The following VIT variants were observed in gnomAD, a reference collection of about 807,000 sequenced individuals.
VIT encodes vitrin.
VIT carries 99 observed loss-of-function variants against 78.0 expected under a neutral mutation model. That is an observed-to-expected ratio of 1.27 (90% CI 1.08 to 1.50). The LOEUF (loss-of-function observed/expected upper bound fraction) is 1.50, where lower values mean the gene tolerates loss of function less well. Ranked by LOEUF, VIT falls within the 40% of genes most tolerant of loss-of-function variation. The probability of loss-of-function intolerance (pLI) is 0.00; values close to 1 mark genes in which losing one functional copy is unlikely to be tolerated. For synonymous variants in VIT, 374 were observed against 334.3 expected (o/e 1.12, Z -1.29); for missense variants, 1,126 against 875.3 (o/e 1.29, Z -3.61).
intron 12 of VIT, among the ~76,000 whole-genome samples, chr2:36,800,171 C>G (rs1666216161): frequency 6.6e-6 from 1 of 152,084 alleles, no homozygotes. Flanking sequence ...ATGGTGAAAC[C>G]CTGTCTCTAC....
intron 7 of VIT, 76 bp from the exon 8 acceptor site, chr2:36,773,715 C>G: frequency 4.5e-6 from 6 of 1,319,642 alleles, no homozygotes; most frequent in Non-Finnish European, 6.0e-6. Flanking sequence ...TACAGTGAGA[C>G]TCCGACTCAA....
At chr2:36,751,143 C>G (rs1668436341) in intron 4 of VIT, among the ~76,000 whole-genome samples, 1 of 152,180 alleles carries the variant, frequency 6.6e-6, no homozygotes. Flanking sequence ...CGCTTGTAAT[C>G]CCAACACTTT....
At chr2:36,700,256 G>A (rs11888691) in intron 1 of VIT, among the ~76,000 whole-genome samples, 3,004 of 152,218 alleles carry the variant, frequency 0.02, 104 homozygotes, top group African/African-American at 0.069. Flanking sequence ...TGTGATGGTC[G>A]TAATCTGAGA....
chr2:36,713,412 C>T (rs1457386585), intron 1 of VIT, among the ~76,000 whole-genome samples: 1 of 152,192 alleles, frequency 6.6e-6, no homozygotes, highest in Non-Finnish European at 1.5e-5. Context: ...GAAGGGTCGA[C>T]GGAGGCCAAA....
chr2:36,739,645 C>T (rs1667712431), intron 3 of VIT, among the ~76,000 whole-genome samples: 1 of 152,128 alleles, frequency 6.6e-6, no homozygotes, highest in African/African-American at 2.4e-5. Context: ...TGGGAAGGAA[C>T]CCTTGGCAGA....
intron 7 of VIT, among the ~76,000 whole-genome samples, chr2:36,770,194 A>G (rs1176464953): frequency 1.3e-5 from 2 of 152,228 alleles, no homozygotes; most frequent in Non-Finnish European, 2.9e-5. Context: ...ACTGTTCTAA[A>G]TCTGGGCTAC....
At chr2:36,759,961 C>G (rs1189901074) in intron 6 of VIT, among the ~76,000 whole-genome samples, 1 of 151,848 alleles carries the variant, frequency 6.6e-6, no homozygotes, top group Non-Finnish European at 1.5e-5. Context: ...ACAGAAACCC[C>G]TCTCTAAACC....
At chr2:36,720,041 C>T (rs1286346665) in intron 2 of VIT, among the ~76,000 whole-genome samples, 1 of 152,116 alleles carries the variant, frequency 6.6e-6, no homozygotes, top group Admixed American at 6.6e-5. Context: ...TGTTAAAATG[C>T]CTATACTATC....
intron 7 of VIT, among the ~76,000 whole-genome samples, chr2:36,768,039 CT>C (rs1669537798): frequency 6.6e-6 from 1 of 152,196 alleles, no homozygotes; most frequent in Non-Finnish European, 1.5e-5. Context: ...TCAGGCTCGC[CT>C]CCAGCTTGCA....
chr2:36,725,039 A>G (rs938234644), intron 2 of VIT, among the ~76,000 whole-genome samples: 1 of 152,042 alleles, frequency 6.6e-6, no homozygotes, highest in Non-Finnish European at 1.5e-5. Context: ...TAAAAATTAG[A>G]CCTCCGGGAC....
At chr2:36,737,950 G>C (rs1234140041) in intron 3 of VIT, among the ~76,000 whole-genome samples, 1 of 152,236 alleles carries the variant, frequency 6.6e-6, no homozygotes, top group East Asian at 1.9e-4. Context: ...AAAGAAGGCA[G>C]AGACTGTCTG....
At chr2:36,723,337 G>T (rs1003381946) in intron 2 of VIT, among the ~76,000 whole-genome samples, 1 of 152,054 alleles carries the variant, frequency 6.6e-6, no homozygotes, top group Non-Finnish European at 1.5e-5. Flanking sequence ...ATATTCCTAG[G>T]AGTTTGTTTT....
chr2:36,698,390 C>G (rs893699671), intron 1 of VIT, among the ~76,000 whole-genome samples: 4 of 152,160 alleles, frequency 2.6e-5, no homozygotes, highest in African/African-American at 9.7e-5. Context: ...TGGTTCTCAG[C>G]TATGATTCCT....
At chr2:36,767,789 C>T (rs78396242) in intron 7 of VIT, among the ~76,000 whole-genome samples, 38 of 152,286 alleles carry the variant, frequency 2.5e-4, no homozygotes, top group African/African-American at 7.9e-4. Context: ...GACTTCATCT[C>T]GTACTACATC....
intron 13 of VIT, among the ~76,000 whole-genome samples, chr2:36,805,165 A>T (rs1286077355): frequency 6.6e-6 from 1 of 151,926 alleles, no homozygotes; most frequent in African/African-American, 2.4e-5. Context: ...TTAACCAGGT[A>T]CAGTGGCACA....
intron 3 of VIT, among the ~76,000 whole-genome samples, chr2:36,740,868 A>G (rs1047123626): frequency 1.3e-5 from 2 of 152,226 alleles, no homozygotes; most frequent in African/African-American, 4.8e-5. Context: ...ATGTGCACCC[A>G]GAAGTCTTTC....
At chr2:36,753,209 G>C (rs1317923954) in intron 4 of VIT, among the ~76,000 whole-genome samples, 1 of 49,772 alleles carries the variant, frequency 2.0e-5, no homozygotes, top group Non-Finnish European at 4.7e-5. Context: ...GCCTGTCAGA[G>C]TTGGGGGGTG....
intron 1 of VIT, among the ~76,000 whole-genome samples, chr2:36,712,434 C>G (rs1354141057): frequency 6.6e-6 from 1 of 152,232 alleles, no homozygotes; most frequent in Non-Finnish European, 1.5e-5. Flanking sequence ...GAGCACTTCT[C>G]TCTGCTCTCC....
rs1666999416 is a variant in VIT, at chr2:36,728,605, A to C, written c.53-821A>C. On this transcript the variant is annotated intron_variant, in intron 2 of 15. Transcript: ENST00000379242. ...GAGGCGGGCGGATCACGAGGTCAGG[A>C]GATCGAGACCATCCCGGCTAAAACG... 6.4e-5 allele frequency among the ~76,000 whole-genome samples: 2 copies of C among 31,328 alleles called. 1 individual carries two copies. Among genetic ancestry groups the C allele is most frequent in the Admixed American group, 5.4e-4 (2 of 3,730 alleles). 20.6% of individuals were successfully genotyped at this position (31,328 alleles called of 152,430 possible). A position where few individuals can be genotyped will look rare whatever the true frequency, so the allele number is the denominator to read the frequency against.
Sources: allele counts gnomAD v4.1 joint callset (sites outside exome capture counted in the v4.1 genomes callset), GRCh38; gene constraint gnomAD v4.1.1; transcripts MANE v1.5; gene names NCBI Gene and HGNC (gene_info 2026-07-23, HGNC 2026-07-21).